Variants in SGCG observed in about 807,000 individuals in gnomAD.
SGCG encodes gamma-sarcoglycan.
A neutral mutation model predicts 29.3 loss-of-function variants in SGCG; 26 were observed. The ratio of observed to expected loss-of-function variants is 0.89; its 90% CI spans 0.65 to 1.23. The LOEUF is 1.23. Ranked by LOEUF, SGCG falls within the 50% of genes most tolerant of loss-of-function variation. The pLI is 0.00. For missense variants in SGCG, 353 were observed against 356.0 expected (o/e 0.99, Z 0.07); for synonymous variants, 145 against 129.7 (o/e 1.12, Z -0.80).
chr13:23,318,545 A>G (rs2137524146), intron 6 of SGCG, among the ~76,000 whole-genome samples: 1 of 151,804 alleles, frequency 6.6e-6, no homozygotes. Context: ...TTTACTTTTC[A>G]TTGAAGTCAT....
chr13:23,191,620 C>A (rs991816756), intron 1 of SGCG, among the ~76,000 whole-genome samples: 1 of 152,150 alleles, frequency 6.6e-6, no homozygotes, highest in African/African-American at 2.4e-5. Context: ...TAAAATTATC[C>A]TTGTAGAGCT....
At chr13:23,285,066 C>T (rs537763022) in intron 5 of SGCG, among the ~76,000 whole-genome samples, 1 of 152,290 alleles carries the variant, frequency 6.6e-6, no homozygotes, top group South Asian at 2.1e-4. Context: ...GAGGTGTCTC[C>T]CAGTCAGGAG....
chr13:23,207,586 A>G (rs1878029586), intron 2 of SGCG, among the ~76,000 whole-genome samples: 1 of 152,208 alleles, frequency 6.6e-6, no homozygotes, highest in African/African-American at 2.4e-5. Flanking sequence ...GTTAATTTCC[A>G]AAATATATAA....
upstream of SGCG, among the ~76,000 whole-genome samples, chr13:23,177,608 G>A (rs1318391719): frequency 1.8e-5 from 2 of 112,988 alleles, no homozygotes; most frequent in Admixed American, 1.3e-4. Flanking sequence ...GTCTTGCTCT[G>A]TCACCCAGGC....
intron 1 of SGCG, among the ~76,000 whole-genome samples, chr13:23,190,213 T>G (rs1877186572): frequency 6.6e-6 from 1 of 152,130 alleles, no homozygotes; most frequent in Non-Finnish European, 1.5e-5. Context: ...AAATTGGTAT[T>G]TGAGAGTCTT....
chr13:23,197,032 G>A (rs1394123300), intron 1 of SGCG, among the ~76,000 whole-genome samples: 1 of 152,108 alleles, frequency 6.6e-6, no homozygotes, highest in Non-Finnish European at 1.5e-5. Flanking sequence ...ATGCCTCTTA[G>A]TTCTCACTTT....
chr13:23,277,803 A>C (rs1231106121), intron 4 of SGCG, among the ~76,000 whole-genome samples: 8 of 145,030 alleles, frequency 5.5e-5, no homozygotes, highest in Admixed American at 5.1e-4. Context: ...GGTTCATGCC[A>C]TTCTCCCGCC....
At chr13:23,194,337 A>T (rs4770406) in intron 1 of SGCG, among the ~76,000 whole-genome samples, 14,553 of 152,220 alleles carry the variant, frequency 0.096, 833 homozygotes, top group Non-Finnish European at 0.13. Flanking sequence ...TATGTGTATT[A>T]TCCAGGACTG....
At chr13:23,197,610 A>C (rs36060507) in intron 1 of SGCG, among the ~76,000 whole-genome samples, 13,769 of 152,258 alleles carry the variant, frequency 0.09, 749 homozygotes, top group Middle Eastern at 0.18. Flanking sequence ...GACAGATTGC[A>C]TACAGCTGCA....
At chr13:23,258,481 T>C (rs1292354645) in intron 4 of SGCG, among the ~76,000 whole-genome samples, 1 of 152,176 alleles carries the variant, frequency 6.6e-6, no homozygotes, top group African/African-American at 2.4e-5. Context: ...TATACAATCA[T>C]GTCATCTGCA....
intron 4 of SGCG, among the ~76,000 whole-genome samples, chr13:23,276,426 G>GTTT (rs757414154): frequency 3.0e-5 from 2 of 65,818 alleles, no homozygotes; most frequent in Admixed American, 1.6e-4. Context: ...TTCTTTTTTA[G>GTTT]TTTTCTTTTT....
At chr13:23,187,174 G>A (rs996843251) in intron 1 of SGCG, among the ~76,000 whole-genome samples, 4 of 152,174 alleles carry the variant, frequency 2.6e-5, no homozygotes, top group African/African-American at 4.8e-5. Context: ...GGGAGCCCTG[G>A]AGTGGATGGT....
rs373365056 is a variant in SGCG, at chr13:23,227,891, G to C, written c.196-6720G>C. Among the ~76,000 whole-genome samples, 495 of 152,260 alleles carry C rather than the reference G, an allele frequency of 3.3e-3. 3 individuals carry two copies. The highest frequency in any genetic ancestry group is 0.011 in the African/African-American group (465 of 41,546). ...AGTGGCTCAATCACAGCTCACTTCA[G>C]CCTCTTCCTCCTGGGCTCAAGGGAT... On this transcript the variant is annotated intron_variant, in intron 2 of 7. Coordinates refer to ENST00000218867, the MANE Select transcript of SGCG (RefSeq NM_000231.3).
At chr13:23,170,887 G>T in the SGCG span, among the ~76,000 whole-genome samples, 2 of 152,212 alleles carry the variant, frequency 1.3e-5, no homozygotes, top group Admixed American at 1.3e-4. Flanking sequence ...GTGCCCCTGT[G>T]TGTGGTCAAG....
chr13:23,227,167 C>T (rs1878930841), intron 2 of SGCG, among the ~76,000 whole-genome samples: 1 of 152,090 alleles, frequency 6.6e-6, no homozygotes, highest in Non-Finnish European at 1.5e-5. Context: ...GTGTTGGCTG[C>T]CTGTCCACAT....
intron 4 of SGCG, among the ~76,000 whole-genome samples, chr13:23,275,417 C>T (rs1310036601): frequency 6.6e-6 from 1 of 151,448 alleles, no homozygotes; most frequent in Non-Finnish European, 1.5e-5. Flanking sequence ...GCAGGAGAAT[C>T]GCTTGAACCC....
intron 6 of SGCG, among the ~76,000 whole-genome samples, chr13:23,311,392 G>T (rs1462606508): frequency 6.6e-6 from 1 of 152,238 alleles, no homozygotes; most frequent in Non-Finnish European, 1.5e-5. Context: ...ATTAGCCATA[G>T]TTCTTCATAT....
intron 7 of SGCG, among the ~76,000 whole-genome samples, chr13:23,321,156 G>C (rs1395086938): frequency 6.6e-6 from 1 of 152,092 alleles, no homozygotes; most frequent in African/African-American, 2.4e-5. Context: ...TGCCCAGAGT[G>C]CTGCGTTTAA....
At chr13:23,293,354 G>C (rs540715795) in intron 5 of SGCG, among the ~76,000 whole-genome samples, 30 of 152,136 alleles carry the variant, frequency 2.0e-4, no homozygotes, top group Middle Eastern at 3.4e-3. Flanking sequence ...ATTTCACTTT[G>C]TTCTGATTTA....
Sources: allele counts gnomAD v4.1 joint callset (sites outside exome capture counted in the v4.1 genomes callset), GRCh38; gene constraint gnomAD v4.1.1; transcripts MANE v1.5; gene names NCBI Gene and HGNC (gene_info 2026-07-23, HGNC 2026-07-21).